Variants in BRINP3 observed in about 807,000 individuals in gnomAD.
BRINP3 encodes the protein BMP/retinoic acid inducible neural specific 3.
A neutral mutation model predicts 71.0 loss-of-function variants in BRINP3; 19 were observed. The ratio of observed to expected loss-of-function variants is 0.27; its 90% CI spans 0.19 to 0.39. BRINP3 has a LOEUF of 0.39. Ranked by LOEUF, BRINP3 falls within the 10% of genes least tolerant of loss-of-function variation. BRINP3 has a pLI of 1.00. For synonymous variants in BRINP3, 380 were observed against 337.7 expected (o/e 1.13, Z -1.37); for missense variants, 959 against 940.8 (o/e 1.02, Z -0.25).
Position 190,176,720 on chromosome 1 carries a change from G to GAAGGTT in BRINP3, c.962-15831_962-15830insAACCTT, listed in dbSNP as rs1558037019. ...TCTTAAACCTGAAGGGACGGGCTAC[G>GAAGGTT]TTAAAGCTGTCAAGGTTTTAAATGA... is the stretch of plus-strand genomic sequence containing the variant. On this transcript the variant is annotated intron_variant, in intron 6 of 7. Transcript: ENST00000367462. Among the ~76,000 whole-genome samples, 3 of 151,930 alleles carry GAAGGTT rather than the reference G, an allele frequency of 2.0e-5. No individual in the cohort carries two copies. In the East Asian group the frequency reaches 5.8e-4, roughly 29 times the overall value.
chr1:190,239,171 A>C (rs553144184), intron 4 of BRINP3, among the ~76,000 whole-genome samples: 2 of 152,252 alleles, frequency 1.3e-5, no homozygotes, highest in African/African-American at 4.8e-5. Flanking sequence ...TCCCTCCCTC[A>C]TCATGTGGGG....
At chr1:190,427,450 G>A (rs1673785841) in intron 2 of BRINP3, among the ~76,000 whole-genome samples, 1 of 151,932 alleles carries the variant, frequency 6.6e-6, no homozygotes, top group Non-Finnish European at 1.5e-5. Flanking sequence ...TAACCACTCT[G>A]TGTGATACTT....
intron 2 of BRINP3, among the ~76,000 whole-genome samples, chr1:190,430,916 T>C (rs1205069168): frequency 6.6e-6 from 1 of 152,184 alleles, no homozygotes; most frequent in African/African-American, 2.4e-5. Flanking sequence ...TGTAAACTAC[T>C]TAAATCTGTT....
At chr1:190,227,365 A>C (rs2102706702) in intron 5 of BRINP3, among the ~76,000 whole-genome samples, 1 of 151,922 alleles carries the variant, frequency 6.6e-6, no homozygotes, top group East Asian at 1.9e-4. Flanking sequence ...AAATTGTTGG[A>C]AAAAGTACTC....
chr1:190,345,392 C>G (rs1667950344), intron 2 of BRINP3, among the ~76,000 whole-genome samples: 1 of 151,792 alleles, frequency 6.6e-6, no homozygotes, highest in African/African-American at 2.4e-5. Flanking sequence ...GACCTGGAAT[C>G]AGGAAGAACA....
intron 7 of BRINP3, among the ~76,000 whole-genome samples, chr1:190,111,931 A>G (rs953320645): frequency 1.3e-5 from 2 of 152,194 alleles, no homozygotes; most frequent in African/African-American, 2.4e-5. Flanking sequence ...CTGAGTCTCA[A>G]AAAAGTGTTT....
At chr1:190,282,015 A>T (rs893005424) in intron 2 of BRINP3, among the ~76,000 whole-genome samples, 2 of 152,006 alleles carry the variant, frequency 1.3e-5, no homozygotes, top group Non-Finnish European at 2.9e-5. Context: ...TATTTTCATA[A>T]AAACGACTTT....
chr1:190,271,431 A>G lies in BRINP3; in HGVS notation c.428-6376T>C, dbSNP rs376886680. On this transcript the variant is annotated intron_variant, in intron 3 of 7. Coordinates refer to ENST00000367462, the MANE Select transcript of BRINP3 (RefSeq NM_199051.3). ...AATAGATAGCTGTAAAGGGTTTGTA[A>G]TATCACTGGAATCTAGTAATAATTC... 2.8e-4 allele frequency among the ~76,000 whole-genome samples: 42 copies of G among 151,742 alleles called. 1 individual carries two copies. The highest frequency in any genetic ancestry group is 9.9e-4 in the African/African-American group (41 of 41,522).
rs141370291 is a variant in BRINP3 at position 190,216,037 on chromosome 1, G to C, written c.961+10045C>G. On this transcript the variant is annotated intron_variant, in intron 6 of 7. Transcript: ENST00000367462. ...TTATCCAAAAAAAAAAACAACTGGG[G>C]ATAACTCAGAAAGTTATTTGGAAAA... Among the ~76,000 whole-genome samples the C allele has an allele frequency of 5.3e-5, 8 of 150,970 alleles. No homozygotes were observed. In the East Asian group the frequency reaches 1.6e-3, roughly 29 times the overall value.
intron 2 of BRINP3, among the ~76,000 whole-genome samples, chr1:190,447,321 A>AT (rs915641071): frequency 6.8e-6 from 1 of 146,590 alleles, no homozygotes; most frequent in East Asian, 2.0e-4. Flanking sequence ...ATATAGTATA[A>AT]TTTTTTTAAC....
intron 6 of BRINP3, among the ~76,000 whole-genome samples, chr1:190,223,823 G>A (rs1167012795): frequency 6.6e-6 from 1 of 151,740 alleles, no homozygotes; most frequent in East Asian, 1.9e-4. Flanking sequence ...CAGTAAAGTT[G>A]CGGGATACAA....
intron 2 of BRINP3, among the ~76,000 whole-genome samples, chr1:190,359,765 A>G (rs1272875780): frequency 6.6e-6 from 1 of 152,140 alleles, no homozygotes; most frequent in Non-Finnish European, 1.5e-5. Context: ...ATTTTAATTT[A>G]TAACCTTTTC....
intron 1 of BRINP3, among the ~76,000 whole-genome samples, chr1:190,455,205 C>T (rs186974734): frequency 6.6e-6 from 1 of 152,032 alleles, no homozygotes; most frequent in Admixed American, 6.5e-5. Context: ...TCATTAAAGC[C>T]TATTGAGCAA....
rs756841472 is a variant in BRINP3 at position 190,098,446 on chromosome 1, C to T, written c.1873G>A (p.Val625Ile). ...GNKWKTFFET[V>I]HIYLRSRIKS... is the part of the protein sequence containing the mutation. ...ATGCGACTTCTCAGGTAGATGTGTACTGTCTCAAAAAATGTCTTCCATTTG... is the reference window on the plus strand; with the variant it reads ...ATGCGACTTCTCAGGTAGATGTGTATTGTCTCAAAAAATGTCTTCCATTTG... Residue 625 changes from valine to isoleucine, a missense_variant, in exon 8 of 8, where the codon GTA becomes ATA. By Grantham distance (29) the Val-to-Ile change is conservative. Transcript: ENST00000367462. The T allele has an allele frequency of 4.0e-5, 64 of 1,614,122 alleles. No homozygotes were observed. The highest frequency in any genetic ancestry group is 5.3e-5 in the Non-Finnish European group (62 of 1,180,014).
At chr1:190,298,682 T>C (rs934105811) in intron 2 of BRINP3, among the ~76,000 whole-genome samples, 1 of 152,144 alleles carries the variant, frequency 6.6e-6, no homozygotes, top group South Asian at 2.1e-4. Context: ...ATTATGGTCA[T>C]AGAATATACT....
intron 6 of BRINP3, among the ~76,000 whole-genome samples, chr1:190,217,644 T>C (rs1656526157): frequency 6.6e-6 from 1 of 152,030 alleles, no homozygotes; most frequent in African/African-American, 2.4e-5. Flanking sequence ...ATGAATCAGC[T>C]AAATACATTT....
intron 2 of BRINP3, among the ~76,000 whole-genome samples, chr1:190,421,957 T>G (rs1416247040): frequency 2.0e-5 from 3 of 151,884 alleles, no homozygotes; most frequent in Admixed American, 6.6e-5. Flanking sequence ...ATCTTTTTGC[T>G]GGCTACTTAA....
At position 190,417,114 on chromosome 1, in the gene BRINP3, G is replaced by A. The variant is rs187215561; in HGVS notation, c.236+37541C>T. Among the ~76,000 whole-genome samples, 8 of 152,026 alleles carry A rather than the reference G, an allele frequency of 5.3e-5. No homozygotes were observed. The South Asian group carries it at 1.0e-3, about 20-fold the overall frequency. On this transcript the variant is annotated intron_variant, in intron 2 of 7. Transcript: ENST00000367462. ...TGTGTAGAATGCCCTAGATTCAAAT[G>A]GAGAACAAAAACAATTTTCTGAAAT...
At chr1:190,446,376 A>T (rs1280038767) in intron 2 of BRINP3, among the ~76,000 whole-genome samples, 2 of 152,062 alleles carry the variant, frequency 1.3e-5, no homozygotes, top group African/African-American at 4.8e-5. Flanking sequence ...GATTTATAGT[A>T]AACCAACCAA....
Sources: gnomAD v4.1 joint callset for allele counts (sites outside exome capture counted in the v4.1 genomes callset) on GRCh38, gnomAD v4.1.1 for gene constraint, MANE v1.5 for transcripts, NCBI Gene and HGNC (gene_info 2026-07-23, HGNC 2026-07-21) for gene names.